Variants in GOLGA8S observed in about 807,000 individuals in gnomAD.
GOLGA8S encodes the protein golgin A8 family member S, also known as golgin subfamily A member 8S.
Under a neutral mutation model 58.9 loss-of-function variants are expected in GOLGA8S, and 23 were observed. The ratio of observed to expected loss-of-function variants is 0.39; its 90% CI spans 0.28 to 0.55. The LOEUF (loss-of-function observed/expected upper bound fraction) is 0.55. Ranked by LOEUF, GOLGA8S falls within the 20% of genes least tolerant of loss-of-function variation. The pLI, the probability that GOLGA8S is intolerant of heterozygous loss-of-function variation, is 0.63. For synonymous variants in GOLGA8S, 84 were observed against 195.7 expected, an observed-to-expected ratio of 0.43 and a Z score of 4.76; for missense variants, 266 against 514.2, an observed-to-expected ratio of 0.52 and a Z score of 4.67.
At chr15:23,364,192 G>T (rs1221496784) in intron 15 of GOLGA8S, 151 bp from the exon 16 acceptor site, 2 of 1,454,848 alleles carry the variant, frequency 1.4e-6, no homozygotes, top group Non-Finnish European at 1.8e-6. Flanking sequence ...GCCTGGGGGC[G>T]AGTCTGTGAG....
chr15:23,358,128 C>G (rs1470014678), intron 4 of GOLGA8S, among the ~76,000 whole-genome samples: 4 of 151,936 alleles, frequency 2.6e-5, no homozygotes, highest in African/African-American at 4.8e-5. Context: ...CGTACTTGGC[C>G]CATACGTGCT....
At chr15:23,365,902 C>T (rs1311828693), downstream of GOLGA8S, 5 of 152,204 alleles carry the variant, frequency 3.3e-5, no homozygotes, top group African/African-American at 7.3e-5. Context: ...CATGAAGATA[C>T]TGCATCATGA....
Position 23,356,253 on chromosome 15 carries a change from C to G in GOLGA8S, c.49-338C>G, listed in dbSNP as rs1433840615. Reference sequence around the variant, plus strand: ...AGACGTGTGAGGATGTATGACTAAACCACATGGCATACAGTTCCTGCCTAC... The same window carrying G: ...AGACGTGTGAGGATGTATGACTAAAGCACATGGCATACAGTTCCTGCCTAC... On this transcript the variant is annotated intron_variant, in intron 1 of 18. Coordinates refer to ENST00000562295, the Ensembl canonical transcript of GOLGA8S. 4.1e-5 allele frequency among the ~76,000 whole-genome samples: 6 copies of G among 145,198 alleles called. No homozygotes were observed. The East Asian group carries it at 1.2e-3, about 29-fold the overall frequency.
chr15:23,367,307 G>T (rs1373689021), downstream of GOLGA8S: 2 of 106,628 alleles, frequency 1.9e-5, no homozygotes, highest in African/African-American at 3.3e-5. Context: ...TTGGTCTAAC[G>T]TTTTTTCTTT....
intron 8 of GOLGA8S, among the ~76,000 whole-genome samples, chr15:23,359,459 T>A (rs1191888073): frequency 6.8e-6 from 1 of 146,452 alleles, no homozygotes; most frequent in African/African-American, 2.6e-5. Context: ...TGCCTTTACC[T>A]GGCTGTGGTC....
Position 23,359,354 on chromosome 15 carries a change from G to A in GOLGA8S, c.591+145G>A, listed in dbSNP as rs570777748. On this transcript the variant is annotated intron_variant, in intron 8 of 18. Coordinates refer to ENST00000562295, the Ensembl canonical transcript of GOLGA8S. Reference sequence around the variant, plus strand: ...ACTGCTTTTTTGTATGGTTGTTAGCGGCAGCTTGGGACTGAGTCAGCTGCT... The same window carrying A: ...ACTGCTTTTTTGTATGGTTGTTAGCAGCAGCTTGGGACTGAGTCAGCTGCT... 43 of 662,110 alleles carry A rather than the reference G, an allele frequency of 6.5e-5. 1 individual carries two copies. Among genetic ancestry groups the A allele is most frequent in the South Asian group, 3.4e-4 (22 of 64,524 alleles). 41.0% of individuals were successfully genotyped at this position (662,110 alleles called of 1,614,324 possible).
chr15:23,367,688 G>A (rs1019412980), downstream of GOLGA8S, among the ~76,000 whole-genome samples: 2 of 151,646 alleles, frequency 1.3e-5, no homozygotes, highest in African/African-American at 2.4e-5. Context: ...TCATTCAGCC[G>A]AGTATTTGTG....
At position 23,361,253 on chromosome 15, in the gene GOLGA8S, C is replaced by T. The variant is rs759348419; in HGVS notation, c.907C>T (p.Pro303Ser). The change falls in exon 12 of 19, where the codon CCC becomes TCC. Residue 303 changes from proline (P) to serine (S), a missense_variant. Physicochemically the swap from Pro to Ser is moderately conservative, Grantham distance 74. This residue lies in a region of GOLGA8S where 114 missense variants were observed against 120.7 expected (regional missense o/e 0.94). Transcript: ENST00000562295. ...TCTGCCCCCGGAGCCCCCAGCAGTGCCCTCTGAGGCGGAGCTGCAGCACCT... is the reference window on the plus strand; with the variant it reads ...TCTGCCCCCGGAGCCCCCAGCAGTGTCCTCTGAGGCGGAGCTGCAGCACCT... 11 of 1,500,500 alleles carry T rather than the reference C, an allele frequency of 7.3e-6. 2 individuals carry two copies. Among genetic ancestry groups the T allele is most frequent in the South Asian group, 1.1e-5 (1 of 87,532 alleles). 92.9% of individuals were successfully genotyped at this position (1,500,500 alleles called of 1,614,324 possible).
rs745513866 is a variant in GOLGA8S at position 23,360,709 on chromosome 15, C to A, written c.787-19C>A. 1.9e-6 allele frequency: 2 copies of A among 1,069,436 alleles called. No individual in the cohort carries two copies. Among genetic ancestry groups the A allele is most frequent in the East Asian group, 2.3e-5 (1 of 42,572 alleles). The allele number at this position is 1,069,436 out of a possible 1,614,324, so 66.2% of individuals were successfully genotyped here. On this transcript the variant is annotated intron_variant, in intron 10 of 18. Coordinates refer to ENST00000562295, the Ensembl canonical transcript of GOLGA8S. ...CCAGCCCCTCTCTCCAGGGCCCTTT[C>A]CCCCTGTGCTTTGGGCAGGTTTGCT...
At chr15:23,365,176 A>G (rs2141031469), downstream of GOLGA8S, 3 of 1,573,470 alleles carry the variant, frequency 1.9e-6, no homozygotes, top group African/African-American at 2.7e-5. Flanking sequence ...ATTTTTAAAT[A>G]AGAAACCAAG....
At chr15:23,363,576 T>C in intron 14 of GOLGA8S, 102 bp from the exon 15 acceptor site, 1 of 325,804 alleles carries the variant, frequency 3.1e-6, no homozygotes, top group South Asian at 2.9e-5. Flanking sequence ...GGGGAGGGGC[T>C]GGCTCAGGGT....
chr15:23,367,574 G>C (rs938147466), downstream of GOLGA8S, among the ~76,000 whole-genome samples: 1 of 151,272 alleles, frequency 6.6e-6, no homozygotes, highest in Admixed American at 6.6e-5. Context: ...ACCACTCTTT[G>C]TGTAGGTATT....
chr15:23,365,474 A>G (rs2069905354), downstream of GOLGA8S: 21 of 409,154 alleles, frequency 5.1e-5, no homozygotes, highest in South Asian at 5.1e-4. Context: ...CTGGTTTGGA[A>G]TAGGCTGCCA....
chr15:23,368,052 C>A, downstream of GOLGA8S, among the ~76,000 whole-genome samples: 1 of 151,802 alleles, frequency 6.6e-6, no homozygotes, highest in Admixed American at 6.6e-5. Context: ...TAACTGCTAT[C>A]TTAATGTTCT....
chr15:23,364,301 G>A (rs1382061645), intron 15 of GOLGA8S, 42 bp from the exon 16 acceptor site: 7 of 1,595,314 alleles, frequency 4.4e-6, no homozygotes, highest in Non-Finnish European at 1.7e-6. Context: ...CCACCTGAGG[G>A]CAGGTCGCTG....
chr15:23,361,430 G>A lies in GOLGA8S; in HGVS notation c.1084G>A (p.Glu362Lys), dbSNP rs777272788. 17 of 813,100 alleles carry A rather than the reference G, an allele frequency of 2.1e-5. 1 individual carries two copies. The highest frequency in any genetic ancestry group is 1.7e-4 in the Admixed American group (10 of 58,766). The allele number at this position is 813,100 out of a possible 1,614,324, so 50.4% of individuals were successfully genotyped here. ...GGAGGAGAGGCTTCAGCAGCTGGCC[G>A]AGCCACAGAACAGCTTCAAGGAGCT... is the stretch of plus-strand genomic sequence containing the variant. The change falls in exon 12 of 19, where the codon GAG becomes AAG. Residue 362 changes from glutamate to lysine, a missense_variant. Transcript: ENST00000562295.
chr15:23,365,504 C>A (rs772467185), downstream of GOLGA8S: 395 of 358,074 alleles, frequency 1.1e-3, 3 homozygotes, highest in Non-Finnish European at 1.8e-3. Context: ...AATGTTATTG[C>A]AGCATGTATA....
chr15:23,366,643 T>C (rs2069927553), downstream of GOLGA8S: 1 of 151,954 alleles, frequency 6.6e-6, no homozygotes, highest in South Asian at 2.1e-4. Context: ...TATCTCTGGG[T>C]TTCTGTTCGG....
At chr15:23,365,937 A>G (rs4296231), downstream of GOLGA8S, 5 of 151,858 alleles carry the variant, frequency 3.3e-5, no homozygotes, top group African/African-American at 9.7e-5. Flanking sequence ...ACTCTTTTTC[A>G]ATGACCTAAA....
Sources: gnomAD v4.1 joint callset for allele counts (sites outside exome capture counted in the v4.1 genomes callset) on GRCh38, gnomAD v4.1.1 for gene constraint, gnomAD v4.1.1 regional missense constraint, MANE v1.5 for transcripts, NCBI Gene and HGNC (gene_info 2026-07-23, HGNC 2026-07-21) for gene names.